TAF3: variants seen among roughly 807,000 people sequenced by gnomAD.
TAF3 encodes the protein TATA-box binding protein associated factor 3, also known as transcription initiation factor TFIID subunit 3.
TAF3 carries 7 observed loss-of-function variants against 80.6 expected under a neutral mutation model. The observed-to-expected ratio is 0.09, with a 90% CI of 0.05 to 0.16. The LOEUF (loss-of-function observed/expected upper bound fraction) is 0.16. Ranked by LOEUF, TAF3 falls within the 10% of genes least tolerant of loss-of-function variation. The pLI is 1.00. For synonymous variants in TAF3, 444 were observed against 446.1 expected, an observed-to-expected ratio of 1.00 and a Z score of 0.06; for missense variants, 921 against 1,140.2, an observed-to-expected ratio of 0.81 and a Z score of 2.77.
chr10:7,942,214 G>A (rs1337703785), intron 2 of TAF3, among the ~76,000 whole-genome samples: 1 of 152,132 alleles, frequency 6.6e-6, no homozygotes, highest in Non-Finnish European at 1.5e-5. Context: ...CACCCGTGAC[G>A]ATGCATAAAT....
intron 2 of TAF3, among the ~76,000 whole-genome samples, chr10:7,870,953 A>T (rs1837259365): frequency 6.6e-6 from 1 of 152,200 alleles, no homozygotes; most frequent in African/African-American, 2.4e-5. Context: ...TTGCTTTCAG[A>T]AGTATAATTT....
intron 4 of TAF3, among the ~76,000 whole-genome samples, chr10:7,980,598 T>C (rs78793329): frequency 0.015 from 2,276 of 152,316 alleles, 60 homozygotes; most frequent in African/African-American, 0.052. Context: ...ATATTGAAGA[T>C]AAAACCAAAA....
chr10:7,820,968 G>C lies in TAF3; in HGVS notation c.166+2093G>C, dbSNP rs568023441. 2.6e-4 allele frequency among the ~76,000 whole-genome samples: 39 copies of C among 152,346 alleles called. No homozygotes were observed. The South Asian group carries it at 5.8e-3, about 23-fold the overall frequency. ...GCTAGGCTAGGCTAGGCTAGGCATAGTCCAGATTATGTTTGCTACCATGTA... is the reference window on the plus strand; with the variant it reads ...GCTAGGCTAGGCTAGGCTAGGCATACTCCAGATTATGTTTGCTACCATGTA... On this transcript the variant is annotated intron_variant, in intron 1 of 6. Transcript: ENST00000344293.
At chr10:7,932,737 GCA>G (rs1588556757) in intron 2 of TAF3, among the ~76,000 whole-genome samples, 1 of 143,952 alleles carries the variant, frequency 6.9e-6, no homozygotes, top group East Asian at 2.0e-4. Context: ...GAGTGCAGTG[GCA>G]CAGTCGTGGC....
At chr10:7,900,672 T>C in intron 2 of TAF3, among the ~76,000 whole-genome samples, 1 of 152,198 alleles carries the variant, frequency 6.6e-6, no homozygotes, top group East Asian at 1.9e-4. Flanking sequence ...AAAACTATTT[T>C]TATAAAAATT....
At chr10:7,928,338 T>C (rs1837835357) in intron 2 of TAF3, among the ~76,000 whole-genome samples, 1 of 152,216 alleles carries the variant, frequency 6.6e-6, no homozygotes, top group African/African-American at 2.4e-5. Flanking sequence ...TAATTGATAT[T>C]GTTACACTAT....
intron 2 of TAF3, among the ~76,000 whole-genome samples, chr10:7,906,588 C>G (rs1837610337): frequency 1.3e-5 from 2 of 152,018 alleles, no homozygotes; most frequent in South Asian, 4.1e-4. Context: ...CTTTATGGAC[C>G]TGAACAAATG....
intron 2 of TAF3, among the ~76,000 whole-genome samples, chr10:7,867,200 A>G (rs181764591): frequency 2.0e-5 from 3 of 152,276 alleles, no homozygotes; most frequent in African/African-American, 7.2e-5. Context: ...CAGAAGTTGC[A>G]GTGAGCCGAG....
At chr10:7,845,893 T>C (rs921393086) in intron 2 of TAF3, among the ~76,000 whole-genome samples, 2 of 152,196 alleles carry the variant, frequency 1.3e-5, no homozygotes, top group African/African-American at 2.4e-5. Context: ...AGGCAACAGA[T>C]TATTTCTTAT....
rs565211220 is a variant in TAF3 at position 8,009,907 on chromosome 10, A to C, written c.2568+577A>C. On this transcript the variant is annotated intron_variant, in intron 5 of 6. Coordinates refer to ENST00000344293, the MANE Select transcript of TAF3 (RefSeq NM_031923.4). This position sits in a 1 kb window ranked among gnomAD's most constrained non-coding sequence, Gnocchi z 4.1. Reference sequence around the variant, plus strand: ...AAGTGTGGGATTACAGGCATGAGCCACCGTGCCCGGCTTTTTTTTTTTGAA... The same window carrying C: ...AAGTGTGGGATTACAGGCATGAGCCCCCGTGCCCGGCTTTTTTTTTTTGAA... 2.3e-3 allele frequency among the ~76,000 whole-genome samples: 341 copies of C among 149,508 alleles called. 4 individuals carry two copies. Among genetic ancestry groups the C allele is most frequent in the Non-Finnish European group, 8.4e-4 (57 of 67,596 alleles).
chr10:7,845,348 C>T (rs1836959690), intron 2 of TAF3, among the ~76,000 whole-genome samples: 1 of 152,034 alleles, frequency 6.6e-6, no homozygotes, highest in Non-Finnish European at 1.5e-5. Flanking sequence ...CCTGCTTTAG[C>T]ATAGCTTAAG....
At chr10:7,822,641 A>G (rs1217217633) in intron 1 of TAF3, among the ~76,000 whole-genome samples, 1 of 152,138 alleles carries the variant, frequency 6.6e-6, no homozygotes, top group Admixed American at 6.5e-5. Flanking sequence ...ATTACTACAC[A>G]TGCGTCCAAT....
Position 7,929,025 on chromosome 10 carries a change from T to A in TAF3, c.410-34895T>A, listed in dbSNP as rs140988255. 9.5e-3 allele frequency among the ~76,000 whole-genome samples: 1,445 copies of A among 152,314 alleles called. 17 individuals are homozygous for A. The highest frequency in any genetic ancestry group is 0.017 in the Non-Finnish European group (1,164 of 68,018). On this transcript the variant is annotated intron_variant, in intron 2 of 6. Transcript: ENST00000344293. ...TTATTCTTTTGTTGCAAAGCAAAATTAGCAGAAACTTGAATTTAATGTAAT... is the reference window on the plus strand; with the variant it reads ...TTATTCTTTTGTTGCAAAGCAAAATAAGCAGAAACTTGAATTTAATGTAAT...
chr10:7,837,063 T>TA (rs914279181), intron 2 of TAF3, among the ~76,000 whole-genome samples: 8 of 152,028 alleles, frequency 5.3e-5, no homozygotes, highest in Non-Finnish European at 8.8e-5. Context: ...CTTGTTTCTA[T>TA]AAAAAATTTA....
intron 3 of TAF3, among the ~76,000 whole-genome samples, chr10:7,969,881 C>T (rs934415262): frequency 4.6e-5 from 7 of 152,200 alleles, no homozygotes; most frequent in African/African-American, 1.2e-4. Flanking sequence ...CTCCCATCCT[C>T]GCAGACCCTC....
chr10:7,967,497 G>A (rs1181602377), intron 3 of TAF3, among the ~76,000 whole-genome samples: 1 of 152,208 alleles, frequency 6.6e-6, no homozygotes, highest in Non-Finnish European at 1.5e-5. Context: ...GTCCACCTGA[G>A]AGAAAGATAC....
At chr10:7,902,931 T>C (rs1837573211) in intron 2 of TAF3, among the ~76,000 whole-genome samples, 1 of 152,082 alleles carries the variant, frequency 6.6e-6, no homozygotes, top group Admixed American at 6.6e-5. Flanking sequence ...ATTTAATGTT[T>C]AAAAATAATA....
chr10:7,999,785 C>T (rs2131434141), intron 4 of TAF3, among the ~76,000 whole-genome samples: 2 of 152,220 alleles, frequency 1.3e-5, no homozygotes, highest in South Asian at 4.2e-4. Context: ...TACGAAAATA[C>T]CATCATTGTA....
chr10:7,826,065 T>G (rs1485830328), intron 2 of TAF3, among the ~76,000 whole-genome samples: 1 of 152,218 alleles, frequency 6.6e-6, no homozygotes, highest in Non-Finnish European at 1.5e-5. Context: ...GAAGTATGTT[T>G]AAATTTGGCA....
Sources: allele counts gnomAD v4.1 joint callset (sites outside exome capture counted in the v4.1 genomes callset), GRCh38; gene constraint gnomAD v4.1.1; non-coding constraint Gnocchi (gnomAD v3.1); transcripts MANE v1.5; gene names NCBI Gene and HGNC (gene_info 2026-07-23, HGNC 2026-07-21).